Variants in RBFOX1 observed in about 807,000 individuals in gnomAD.
RBFOX1 encodes the protein RNA binding fox-1 homolog 1, also known as RNA binding protein fox-1 homolog 1.
A neutral mutation model predicts 57.7 loss-of-function variants in RBFOX1; 8 were observed. That is an observed-to-expected ratio of 0.14 (90% CI 0.08 to 0.25). The LOEUF is 0.25. RBFOX1 is among the 10% of genes least tolerant of loss of function. The probability of loss-of-function intolerance (pLI) is 1.00; values close to 1 mark genes in which losing one functional copy is unlikely to be tolerated. For missense variants in RBFOX1, 611 were observed against 548.5 expected (o/e 1.11, Z -1.14); for synonymous variants, 326 against 222.4 (o/e 1.47, Z -4.15).
At chr16:7,506,140 G>A (rs952240966) in intron 4 of RBFOX1, among the ~76,000 whole-genome samples, 7 of 120,330 alleles carry the variant, frequency 5.8e-5, no homozygotes, top group South Asian at 2.8e-4. Flanking sequence ...AGCAGAGATC[G>A]CCCCACTGCA....
chr16:7,448,130 C>G (rs1272518941), intron 4 of RBFOX1, among the ~76,000 whole-genome samples: 1 of 152,234 alleles, frequency 6.6e-6, no homozygotes, highest in Non-Finnish European at 1.5e-5. Context: ...TGAATGGCAG[C>G]TGCCAAGTGT....
At chr16:6,852,401 C>T (rs1274082726) in intron 3 of RBFOX1, among the ~76,000 whole-genome samples, 1 of 152,198 alleles carries the variant, frequency 6.6e-6, no homozygotes, top group African/African-American at 2.4e-5. Flanking sequence ...AGCAAGGAAA[C>T]TATTTCCTTA....
chr16:5,604,120 C>T (rs1379316039), downstream of RBFOX1, among the ~76,000 whole-genome samples: 2 of 152,188 alleles, frequency 1.3e-5, no homozygotes, highest in East Asian at 1.9e-4. Context: ...AGTGGAAGAA[C>T]CCAAATTTTT....
At chr16:6,575,055 A>C (rs1344964149) in intron 2 of RBFOX1, among the ~76,000 whole-genome samples, 3 of 151,694 alleles carry the variant, frequency 2.0e-5, no homozygotes, top group African/African-American at 4.8e-5. Flanking sequence ...AAAAAAAAAA[A>C]AAAAAAACAG....
chr16:5,841,008 G>A (rs1019154532), intron 3 of RBFOX1, among the ~76,000 whole-genome samples: 1 of 152,200 alleles, frequency 6.6e-6, no homozygotes, highest in African/African-American at 2.4e-5. Flanking sequence ...AGAATGTGGA[G>A]AAATTACCTT....
intron 3 of RBFOX1, among the ~76,000 whole-genome samples, chr16:6,787,484 G>C (rs376530739): frequency 6.6e-6 from 1 of 152,102 alleles, no homozygotes; most frequent in Admixed American, 6.6e-5. Flanking sequence ...GTCTCCCTGT[G>C]GTTAAGTTGA....
chr16:7,252,189 G>T (rs558513334), intron 4 of RBFOX1, among the ~76,000 whole-genome samples: 1 of 152,314 alleles, frequency 6.6e-6, no homozygotes, highest in Admixed American at 6.5e-5. Context: ...AAAGGAGGAA[G>T]GAGCTGGTTC....
At chr16:7,392,803 T>C (rs986226290) in intron 4 of RBFOX1, among the ~76,000 whole-genome samples, 1 of 152,098 alleles carries the variant, frequency 6.6e-6, no homozygotes, top group Non-Finnish European at 1.5e-5. Context: ...AGTCCGTGGA[T>C]TGTTTTGACT....
chr16:5,430,254 G>A (rs944421856), intron 1 of RBFOX1, among the ~76,000 whole-genome samples: 2 of 152,148 alleles, frequency 1.3e-5, no homozygotes, highest in Non-Finnish European at 2.9e-5. Flanking sequence ...ATGGCAGCAG[G>A]TGGTGGGGCC....
chr16:5,578,405 G>A (rs2046542167), intron 2 of RBFOX1, among the ~76,000 whole-genome samples: 1 of 152,162 alleles, frequency 6.6e-6, no homozygotes, highest in Non-Finnish European at 1.5e-5. Flanking sequence ...GGAGAGGTTT[G>A]TTCCAGTTCC....
At chr16:7,571,700 C>T (rs577015459) in intron 5 of RBFOX1, among the ~76,000 whole-genome samples, 1 of 152,290 alleles carries the variant, frequency 6.6e-6, no homozygotes, top group East Asian at 1.9e-4. Context: ...ATGAGCTTAT[C>T]AGGGAAGCTC....
At chr16:5,767,253 G>A (rs144279625) in intron 3 of RBFOX1, among the ~76,000 whole-genome samples, 2 of 152,318 alleles carry the variant, frequency 1.3e-5, no homozygotes, top group East Asian at 3.9e-4. Flanking sequence ...TTTGGCCTGT[G>A]TTATTTTCCT....
chr16:7,458,613 A>G (rs2058982694), intron 4 of RBFOX1, among the ~76,000 whole-genome samples: 2 of 152,126 alleles, frequency 1.3e-5, no homozygotes. Context: ...AAGCCCTTGA[A>G]TATCATAGGA....
intron 2 of RBFOX1, among the ~76,000 whole-genome samples, chr16:6,558,042 TAAATTAGGC>T (rs905375561): frequency 1.2e-4 from 18 of 152,216 alleles, no homozygotes; most frequent in African/African-American, 4.1e-4. Context: ...CTATTTTTCA[TAAATTAGGC>T]TCTTTTTTAA....
At chr16:5,250,935 C>A (rs1204731990) in intron 1 of RBFOX1, among the ~76,000 whole-genome samples, 1 of 152,194 alleles carries the variant, frequency 6.6e-6, no homozygotes, top group Non-Finnish European at 1.5e-5. Flanking sequence ...CAATTTGCAT[C>A]CTGTGCAAAA....
rs559642533 is a variant in RBFOX1 at position 6,711,088 on chromosome 16, C to G, written c.-16+56438C>G. Among the ~76,000 whole-genome samples, 3 of 152,288 alleles carry G rather than the reference C, an allele frequency of 2.0e-5. No homozygotes were observed. In the South Asian group the frequency reaches 6.2e-4, roughly 32 times the overall value. On this transcript the variant is annotated intron_variant, in intron 3 of 15. Transcript: ENST00000550418. ...GCCAAAACTCTGGAGTCTTTCTTGA[C>G]ACTTCTGTTTCTCAAATATCATGCG...
intron 3 of RBFOX1, among the ~76,000 whole-genome samples, chr16:6,819,257 T>A (rs2090786264): frequency 6.6e-6 from 1 of 152,216 alleles, no homozygotes; most frequent in Non-Finnish European, 1.5e-5. Context: ...CATTTAACTT[T>A]GTGTCTCCCA....
intron 4 of RBFOX1, among the ~76,000 whole-genome samples, chr16:7,236,896 G>T (rs1286205920): frequency 2.6e-5 from 4 of 152,140 alleles, no homozygotes; most frequent in African/African-American, 9.7e-5. Flanking sequence ...GGCTGTTGTT[G>T]GGAGGATTTC....
intron 4 of RBFOX1, among the ~76,000 whole-genome samples, chr16:7,086,723 C>CACACACACACACACACAG (rs1218378000): frequency 1.6e-4 from 25 of 151,618 alleles, no homozygotes; most frequent in African/African-American, 2.2e-4. Flanking sequence ...AGAATGTATA[C>CACACACACACACACACAG]ACACACACAC....
Sources: allele counts gnomAD v4.1 joint callset (sites outside exome capture counted in the v4.1 genomes callset), GRCh38; gene constraint gnomAD v4.1.1; transcripts MANE v1.5; gene names NCBI Gene and HGNC (gene_info 2026-07-23, HGNC 2026-07-21).